Variants in PTPRR observed in about 807,000 individuals in gnomAD.
PTPRR encodes receptor-type tyrosine-protein phosphatase R.
A neutral mutation model predicts 77.2 loss-of-function variants in PTPRR; 38 were observed. The observed-to-expected ratio is 0.49, with a 90% CI of 0.38 to 0.65. The LOEUF is 0.65. PTPRR is among the 30% of genes least tolerant of loss of function. The pLI is 0.00. For synonymous variants in PTPRR, 299 were observed against 283.1 expected (o/e 1.06, Z -0.57); for missense variants, 744 against 799.2 (o/e 0.93, Z 0.83).
chr12:70,865,313 A>G (rs964212814), intron 2 of PTPRR, among the ~76,000 whole-genome samples: 3 of 151,316 alleles, frequency 2.0e-5, no homozygotes, highest in Admixed American at 6.6e-5. Flanking sequence ...CAGCATGCAA[A>G]CAGACTAATA....
intron 10 of PTPRR, among the ~76,000 whole-genome samples, chr12:70,679,217 A>G (rs1246074147): frequency 6.6e-6 from 1 of 152,154 alleles, no homozygotes; most frequent in African/African-American, 2.4e-5. Flanking sequence ...TTTTCATTAA[A>G]CAATATTTGT....
chr12:70,781,654 G>T (rs185929020), intron 2 of PTPRR, among the ~76,000 whole-genome samples: 102 of 152,272 alleles, frequency 6.7e-4, no homozygotes, highest in Admixed American at 2.7e-3. Context: ...TTAGTATGTT[G>T]TCAGTATATT....
chr12:70,749,732 C>T (rs1371078640), intron 5 of PTPRR, among the ~76,000 whole-genome samples: 1 of 152,172 alleles, frequency 6.6e-6, no homozygotes, highest in Admixed American at 6.5e-5. Context: ...CTCTTTCCCT[C>T]CCATATGGAT....
At chr12:70,862,430 G>A (rs894266855) in intron 2 of PTPRR, among the ~76,000 whole-genome samples, 3 of 151,954 alleles carry the variant, frequency 2.0e-5, no homozygotes, top group Admixed American at 2.0e-4. Context: ...ATGAGTTCAT[G>A]TCCTTTGTAG....
chr12:70,822,588 T>C (rs886984655), intron 2 of PTPRR, among the ~76,000 whole-genome samples: 1 of 152,202 alleles, frequency 6.6e-6, no homozygotes, highest in Non-Finnish European at 1.5e-5. Context: ...TGAAATTAGA[T>C]GGCAAGCCAT....
At chr12:70,671,938 A>C (rs1887242030) in intron 10 of PTPRR, 2 of 1,005,584 alleles carry the variant, frequency 2.0e-6, no homozygotes, top group East Asian at 2.4e-5. Flanking sequence ...CTGGTAGAAG[A>C]AGGTTGCTCA....
intron 2 of PTPRR, among the ~76,000 whole-genome samples, chr12:70,888,625 A>C (rs577774058): frequency 2.0e-5 from 3 of 152,238 alleles, no homozygotes; most frequent in African/African-American, 7.2e-5. Flanking sequence ...TTCGCATTTC[A>C]CCAGTTTAGT....
At chr12:70,860,170 C>T (rs1262355493) in intron 2 of PTPRR, among the ~76,000 whole-genome samples, 1 of 152,080 alleles carries the variant, frequency 6.6e-6, no homozygotes, top group Admixed American at 6.6e-5. Context: ...TTCCACAAGG[C>T]AGCATATCAT....
chr12:70,913,253 T>C (rs955104131), intron 1 of PTPRR, among the ~76,000 whole-genome samples: 1 of 152,132 alleles, frequency 6.6e-6, no homozygotes, highest in Non-Finnish European at 1.5e-5. Context: ...AAAGACTGTA[T>C]ACACACAAAA....
chr12:70,662,062 A>G (rs1886817627), intron 11 of PTPRR, among the ~76,000 whole-genome samples: 2 of 152,176 alleles, frequency 1.3e-5, no homozygotes, highest in African/African-American at 2.4e-5. Context: ...GATCTCATCA[A>G]CACTTCAGGC....
At chr12:70,687,414 G>A (rs1887912569) in intron 8 of PTPRR, among the ~76,000 whole-genome samples, 3 of 50,402 alleles carry the variant, frequency 6.0e-5, no homozygotes, top group South Asian at 1.6e-3. Context: ...GGCTTTGGCA[G>A]GAGAAAGTCC....
intron 2 of PTPRR, among the ~76,000 whole-genome samples, chr12:70,783,551 C>A (rs890308393): frequency 2.6e-5 from 4 of 152,088 alleles, no homozygotes; most frequent in African/African-American, 9.7e-5. Context: ...CTGGCTGAGG[C>A]CTTTATGGGC....
At chr12:70,900,396 A>G (rs1893510996) in intron 1 of PTPRR, among the ~76,000 whole-genome samples, 1 of 151,054 alleles carries the variant, frequency 6.6e-6, no homozygotes, top group Non-Finnish European at 1.5e-5. Flanking sequence ...AGATTTCCAT[A>G]TAAAATCCAA....
chr12:70,837,088 A>T (rs761391063), intron 2 of PTPRR, among the ~76,000 whole-genome samples: 4 of 152,082 alleles, frequency 2.6e-5, no homozygotes, highest in Admixed American at 6.6e-5. Flanking sequence ...CCAGAATACA[A>T]TTGGGAACAA....
chr12:70,693,318 C>T (rs2136759969), intron 8 of PTPRR, among the ~76,000 whole-genome samples: 1 of 152,262 alleles, frequency 6.6e-6, no homozygotes, highest in Non-Finnish European at 1.5e-5. Context: ...GGGAGTCTCA[C>T]TTTGTTGCCC....
Position 70,788,144 on chromosome 12 carries a change from G to C in PTPRR, c.358-23366C>G, listed in dbSNP as rs147682625. Among the ~76,000 whole-genome samples the C allele has an allele frequency of 1.8e-3, 270 of 152,184 alleles. 1 individual carries two copies. Among genetic ancestry groups the C allele is most frequent in the South Asian group, 0.016 (75 of 4,818 alleles). On this transcript the variant is annotated intron_variant, in intron 2 of 13. Transcript: ENST00000283228. ...TAAATTTATACATCATTTTAAATAAGAGCCATATTTAAGCCAACATTAAAG... is the reference window on the plus strand; with the variant it reads ...TAAATTTATACATCATTTTAAATAACAGCCATATTTAAGCCAACATTAAAG...
chr12:70,796,358 G>A (rs1358663825), intron 2 of PTPRR, among the ~76,000 whole-genome samples: 2 of 151,846 alleles, frequency 1.3e-5, no homozygotes, highest in African/African-American at 4.8e-5. Context: ...TAACATTATA[G>A]TTTCCCTAGC....
intron 6 of PTPRR, among the ~76,000 whole-genome samples, chr12:70,704,811 C>T (rs961073006): frequency 2.6e-5 from 4 of 151,962 alleles, no homozygotes; most frequent in Non-Finnish European, 5.9e-5. Context: ...GAGAACTATA[C>T]CTTTAATAAA....
intron 5 of PTPRR, among the ~76,000 whole-genome samples, chr12:70,747,451 C>T (rs1052008917): frequency 6.6e-6 from 1 of 152,112 alleles, no homozygotes; most frequent in Non-Finnish European, 1.5e-5. Context: ...ATATAATATG[C>T]ATATGAGAAC....
Sources: allele counts gnomAD v4.1 joint callset (sites outside exome capture counted in the v4.1 genomes callset), GRCh38; gene constraint gnomAD v4.1.1; transcripts MANE v1.5; gene names NCBI Gene and HGNC (gene_info 2026-07-23, HGNC 2026-07-21).